The following TPP2 variants were observed in gnomAD, a reference collection of about 807,000 sequenced individuals.
TPP2 encodes tripeptidyl peptidase 2.
TPP2 carries 34 observed loss-of-function variants against 155.9 expected under a neutral mutation model. The observed-to-expected ratio is 0.22, with a 90% CI of 0.17 to 0.29. TPP2 has a LOEUF of 0.29. TPP2 is among the 10% of genes least tolerant of loss of function. The pLI is 1.00. For missense variants in TPP2, 1,028 were observed against 1,522.3 expected, an observed-to-expected ratio of 0.68 and a Z score of 5.40; for synonymous variants, 510 against 529.4, an observed-to-expected ratio of 0.96 and a Z score of 0.50.
intron 27 of TPP2, chr13:102,667,609 C>A: frequency 5.7e-6 from 2 of 353,118 alleles, no homozygotes; most frequent in Non-Finnish European, 7.9e-6. Flanking sequence ...TCAATCTCAG[C>A]CAGTCAGTAC....
At position 102,625,389 on chromosome 13, in the gene TPP2, C is replaced by A. The variant is rs181870787; in HGVS notation, c.785-1623C>A. Among the ~76,000 whole-genome samples, 312 of 144,180 alleles carry A rather than the reference C, an allele frequency of 2.2e-3. 3 individuals are homozygous for A. Among genetic ancestry groups the A allele is most frequent in the African/African-American group, 7.3e-3 (286 of 39,342 alleles). 94.6% of individuals were successfully genotyped at this position (144,180 alleles called of 152,430 possible). A position where few individuals can be genotyped will look rare whatever the true frequency, so the allele number is the denominator to read the frequency against. ...CCGTGTTAGCCAGGATGGTCTCGAT[C>A]TCCTGACCTCGTGATCCGCCCGCCT... On this transcript the variant is annotated intron_variant, in intron 6 of 29. Transcript: ENST00000376052.
rs1188493914 is a variant in TPP2, at chr13:102,664,821, T to A, written c.3267T>A (p.Ile1089=). The A allele has an allele frequency of 6.2e-7, 1 of 1,613,434 alleles. No individual in the cohort carries two copies. The highest frequency in any genetic ancestry group is 1.1e-5 in the South Asian group (1 of 90,980). The change falls in exon 27 of 30, where the codon ATT becomes ATA. Residue 1089 remains isoleucine (I), a synonymous_variant. Transcript: ENST00000376052. ...EKERMKRLNE[I]VDAANAVISH... ...AACGAATGAAAAGACTTAATGAAAT[T>A]GTTGATGCGGCAAATGCTGTTATTT...
At chr13:102,672,021 T>G (rs750178116) in intron 27 of TPP2, among the ~76,000 whole-genome samples, 2 of 152,216 alleles carry the variant, frequency 1.3e-5, no homozygotes, top group African/African-American at 2.4e-5. Flanking sequence ...ACTTACTGAC[T>G]GCGCAGTCTC....
chr13:102,600,070 A>G (rs1595123722), intron 1 of TPP2, among the ~76,000 whole-genome samples: 1 of 152,022 alleles, frequency 6.6e-6, no homozygotes, highest in African/African-American at 2.4e-5. Context: ...TAAAAATTAA[A>G]AAAAAAAATT....
Position 102,625,719 on chromosome 13 carries a change from A to G in TPP2, c.785-1293A>G, listed in dbSNP as rs186536465. Among the ~76,000 whole-genome samples the G allele has an allele frequency of 1.2e-4, 18 of 152,372 alleles. No individual in the cohort carries two copies. In the East Asian group the frequency reaches 3.3e-3, roughly 28 times the overall value. On this transcript the variant is annotated intron_variant, in intron 6 of 29. Coordinates refer to ENST00000376052, the MANE Select transcript of TPP2 (RefSeq NM_001330588.2). ...TTGGGCGAATGTTTTCTTGCATGAC[A>G]GCAGCTGGCTAGAGCAGAGGAGTCT...
intron 25 of TPP2, among the ~76,000 whole-genome samples, chr13:102,661,386 G>A (rs1205449920): frequency 2.0e-5 from 3 of 151,320 alleles, no homozygotes; most frequent in Admixed American, 6.6e-5. Flanking sequence ...AAGTAGCTAG[G>A]ACTACAAGTG....
At chr13:102,644,478 T>C (rs2139531582) in intron 17 of TPP2, 79 bp from the exon 18 acceptor site, 3 of 1,244,928 alleles carry the variant, frequency 2.4e-6, no homozygotes, top group South Asian at 3.2e-5. Context: ...ACAGAATTGC[T>C]CTGAAACAGC....
intron 3 of TPP2, among the ~76,000 whole-genome samples, 194 bp from the exon 4 acceptor site, chr13:102,616,202 C>T (rs1239132662): frequency 1.3e-5 from 2 of 152,216 alleles, no homozygotes; most frequent in African/African-American, 4.8e-5. Context: ...GGTGATCCGC[C>T]TACCTCAGCC....
At chr13:102,663,555 G>T (rs1566368404) in intron 25 of TPP2, 93 bp from the exon 26 acceptor site, 17 of 837,174 alleles carry the variant, frequency 2.0e-5, no homozygotes, top group East Asian at 6.1e-5. Context: ...TATTTTATTG[G>T]CTTAAACTTC....
chr13:102,645,795 T>C (rs973789387), intron 19 of TPP2, among the ~76,000 whole-genome samples: 1 of 152,220 alleles, frequency 6.6e-6, no homozygotes, highest in Non-Finnish European at 1.5e-5. Flanking sequence ...AATCTGTACA[T>C]TAGCAACTTC....
At position 102,625,527 on chromosome 13, in the gene TPP2, G is replaced by A. The variant is rs374984152; in HGVS notation, c.785-1485G>A. Among the ~76,000 whole-genome samples, 3 of 152,154 alleles carry A rather than the reference G, an allele frequency of 2.0e-5. No homozygotes were observed. The East Asian group carries it at 5.8e-4, about 29-fold the overall frequency. ...GTACCCTTTTCACTCCCACCATGGTGTGTGAGAATTCCAGGTGCTCTGTAT... is the reference window on the plus strand; with the variant it reads ...GTACCCTTTTCACTCCCACCATGGTATGTGAGAATTCCAGGTGCTCTGTAT... On this transcript the variant is annotated intron_variant, in intron 6 of 29. Coordinates refer to ENST00000376052, the MANE Select transcript of TPP2 (RefSeq NM_001330588.2).
intron 17 of TPP2, among the ~76,000 whole-genome samples, 174 bp from the exon 18 acceptor site, chr13:102,644,383 C>G (rs1308485526): frequency 1.3e-5 from 2 of 152,168 alleles, no homozygotes; most frequent in African/African-American, 4.8e-5. Context: ...TACACCATAT[C>G]TCTGCAAATG....
intron 14 of TPP2, among the ~76,000 whole-genome samples, 160 bp downstream of exon 14, chr13:102,637,399 C>A (rs1882451770): frequency 6.6e-6 from 1 of 152,190 alleles, no homozygotes; most frequent in Admixed American, 6.5e-5. Flanking sequence ...TGTCTATATT[C>A]ATTTAAGCAG....
At chr13:102,612,564 T>A (rs1056841482) in intron 2 of TPP2, among the ~76,000 whole-genome samples, 1 of 152,180 alleles carries the variant, frequency 6.6e-6, no homozygotes, top group Non-Finnish European at 1.5e-5. Flanking sequence ...AAATAAAATT[T>A]CATAATTGCC....
chr13:102,652,439 T>TGC (rs1883575491), intron 24 of TPP2, among the ~76,000 whole-genome samples: 1 of 119,484 alleles, frequency 8.4e-6, no homozygotes, highest in Non-Finnish European at 1.8e-5. Context: ...TATATATATA[T>TGC]ATATATATAT....
chr13:102,649,402 GT>G lies in TPP2; in HGVS notation c.2874-3del, dbSNP rs1374189748. Reference sequence around the variant, plus strand: ...GCTTTTTTTCTCTTTGAATTCTCTTGTTTAGAATACCTAAAGGGGCAGGACC... The same window carrying G: ...GCTTTTTTTCTCTTTGAATTCTCTTGTTAGAATACCTAAAGGGGCAGGACC... On this transcript the variant is annotated splice_polypyrimidine_tract_variant and splice_region_variant and intron_variant, in intron 22 of 29. Coordinates refer to ENST00000376052, the MANE Select transcript of TPP2 (RefSeq NM_001330588.2). 3.1e-6 allele frequency: 5 copies of G among 1,604,268 alleles called. No individual in the cohort carries two copies. Among genetic ancestry groups the G allele is most frequent in the Non-Finnish European group, 4.2e-6 (5 of 1,177,204 alleles).
At chr13:102,649,246 T>A in intron 22 of TPP2, 95 bp downstream of exon 22, 2 of 1,495,498 alleles carry the variant, frequency 1.3e-6, no homozygotes, top group Non-Finnish European at 1.8e-6. Flanking sequence ...TTAGAGGATG[T>A]AGTCATTTTT....
At chr13:102,643,805 A>G (rs1205306869) in intron 17 of TPP2, among the ~76,000 whole-genome samples, 1 of 152,214 alleles carries the variant, frequency 6.6e-6, no homozygotes, top group Non-Finnish European at 1.5e-5. Context: ...ATCTCAGATG[A>G]TGGCAGACTG....
intron 25 of TPP2, among the ~76,000 whole-genome samples, chr13:102,662,372 T>C (rs760033336): frequency 6.6e-6 from 1 of 152,158 alleles, no homozygotes; most frequent in Non-Finnish European, 1.5e-5. Context: ...CTAGAAAGCA[T>C]TGAAATTCAC....
Sources: gnomAD v4.1 joint callset for allele counts (sites outside exome capture counted in the v4.1 genomes callset) on GRCh38, gnomAD v4.1.1 for gene constraint, MANE v1.5 for transcripts, NCBI Gene and HGNC (gene_info 2026-07-23, HGNC 2026-07-21) for gene names.